The following RASGEF1A variants were observed in gnomAD, a reference collection of about 807,000 sequenced individuals.
RASGEF1A encodes ras-GEF domain-containing family member 1A.
A neutral mutation model predicts 56.4 loss-of-function variants in RASGEF1A; 18 were observed. The observed-to-expected ratio is 0.32, with a 90% CI of 0.22 to 0.47. The LOEUF (loss-of-function observed/expected upper bound fraction) is 0.47, where lower values mean the gene tolerates loss of function less well. Ranked by LOEUF, RASGEF1A falls within the 20% of genes least tolerant of loss-of-function variation. The probability of loss-of-function intolerance (pLI) is 1.00; values close to 1 mark genes in which losing one functional copy is unlikely to be tolerated. For synonymous variants in RASGEF1A, 245 were observed against 242.6 expected (o/e 1.01, Z -0.09); for missense variants, 422 against 627.1 (o/e 0.67, Z 3.49).
intron 1 of RASGEF1A, among the ~76,000 whole-genome samples, chr10:43,242,631 C>T (rs960925222): frequency 1.3e-5 from 2 of 152,148 alleles, no homozygotes; most frequent in Admixed American, 6.5e-5. Context: ...GCCTTGGGCT[C>T]CGGTGATTCT....
chr10:43,208,046 CAATG>C (rs1461539989), intron 1 of RASGEF1A: 21 of 985,252 alleles, frequency 2.1e-5, no homozygotes, highest in Non-Finnish European at 2.3e-5. Flanking sequence ...ACCATTTGTG[CAATG>C]AAGTCACGAA....
Position 43,196,098 on chromosome 10 carries a change from G to A in RASGEF1A, c.*146C>T, listed in dbSNP as rs1242275279. ...CTTTGTAAGTGCCAAAGGTTGATGC[G>A]TGAAATAATTACCATTTTTTTCTCA... On this transcript the variant is annotated 3_prime_UTR_variant, in exon 13 of 13. Transcript: ENST00000395810. The surrounding 1 kb of genome is among the most constrained non-coding windows in gnomAD (Gnocchi z 4.6). 4.8e-5 allele frequency: 36 copies of A among 746,702 alleles called. No individual in the cohort carries two copies. In the South Asian group the frequency reaches 5.0e-4, roughly 10 times the overall value. 46.3% of individuals were successfully genotyped at this position (746,702 alleles called of 1,614,324 possible). A position where few individuals can be genotyped will look rare whatever the true frequency, so the allele number is the denominator to read the frequency against.
At chr10:43,231,189 C>G (rs997701497) in intron 1 of RASGEF1A, among the ~76,000 whole-genome samples, 1 of 152,248 alleles carries the variant, frequency 6.6e-6, no homozygotes, top group Non-Finnish European at 1.5e-5. Flanking sequence ...CCAGAAGATG[C>G]GAAGCTCATG....
intron 1 of RASGEF1A, among the ~76,000 whole-genome samples, chr10:43,248,185 G>A (rs779616374): frequency 2.6e-5 from 4 of 151,440 alleles, no homozygotes; most frequent in African/African-American, 4.9e-5. Context: ...GTGAAACCCC[G>A]TCTCTACTAA....
chr10:43,239,092 G>T (rs954775599), intron 1 of RASGEF1A, among the ~76,000 whole-genome samples: 19 of 152,174 alleles, frequency 1.2e-4, no homozygotes, highest in African/African-American at 4.6e-4. Context: ...GAGCCCCTCA[G>T]CTCCTGGCAA....
intron 1 of RASGEF1A, among the ~76,000 whole-genome samples, chr10:43,219,185 T>C (rs1232054280): frequency 6.6e-6 from 1 of 152,086 alleles, no homozygotes; most frequent in Admixed American, 6.5e-5. Flanking sequence ...CCCCCTCCCC[T>C]TGGCCTCGCT....
intron 1 of RASGEF1A, among the ~76,000 whole-genome samples, chr10:43,213,333 C>T (rs1840093196): frequency 6.6e-6 from 1 of 151,426 alleles, no homozygotes; most frequent in Admixed American, 6.6e-5. Context: ...ATACATGTAC[C>T]CCATAAATAT....
At chr10:43,232,485 C>CT (rs55766600) in intron 1 of RASGEF1A, among the ~76,000 whole-genome samples, 10,018 of 123,512 alleles carry the variant, frequency 0.081, 646 homozygotes, top group African/African-American at 0.14. Flanking sequence ...CAGTCTCCGG[C>CT]TTTTTTTTTT....
rs1564529878 is a variant in RASGEF1A, at chr10:43,203,363, GGTCATGAGGGGGCATAAA to G, written c.238_255del (p.Phe80_Asp85del). The G allele has an allele frequency of 6.3e-7, 1 of 1,588,062 alleles. No individual in the cohort carries two copies. The highest frequency in any genetic ancestry group is 1.3e-5 in the African/African-American group (1 of 74,548). ...CAGATCTGCCCCACGCGGGCCAGCA[GGTCATGAGGGGGCATAAA>G]GACCCGGGAGCTCAGGAGAAAGGTG... On this transcript the variant is annotated inframe_deletion, in exon 3 of 13. Transcript: ENST00000395810.
chr10:43,220,861 T>C (rs560902180), intron 1 of RASGEF1A, among the ~76,000 whole-genome samples: 2 of 151,950 alleles, frequency 1.3e-5, no homozygotes, highest in African/African-American at 2.4e-5. Context: ...TCAGAGTGAT[T>C]AGCATAGGTG....
At chr10:43,264,680 G>A (rs1014264748) in intron 1 of RASGEF1A, among the ~76,000 whole-genome samples, 1 of 151,670 alleles carries the variant, frequency 6.6e-6, no homozygotes, top group African/African-American at 2.4e-5. Flanking sequence ...AGGGGCAGCA[G>A]GGAGGGGTGG....
intron 10 of RASGEF1A, among the ~76,000 whole-genome samples, 157 bp from the exon 11 acceptor site, chr10:43,197,256 G>A (rs1320575674): frequency 6.6e-6 from 1 of 152,196 alleles, no homozygotes; most frequent in Non-Finnish European, 1.5e-5. Context: ...CGTGGCCATG[G>A]TGGCACGCCA....
intron 10 of RASGEF1A, 32 bp downstream of exon 10, chr10:43,197,972 G>T (rs765653203): frequency 3.9e-6 from 6 of 1,557,744 alleles, no homozygotes; most frequent in South Asian, 3.5e-5. Flanking sequence ...GACAGTTTCC[G>T]CCTGGCCTGC....
intron 1 of RASGEF1A, chr10:43,229,581 C>T (rs2133209241): frequency 2.8e-6 from 4 of 1,422,758 alleles, no homozygotes; most frequent in South Asian, 1.3e-5. Context: ...CTCCCGAGCC[C>T]GACAGCGCAA....
intron 1 of RASGEF1A, among the ~76,000 whole-genome samples, chr10:43,258,119 CG>C (rs1178814486): frequency 6.6e-6 from 1 of 152,236 alleles, no homozygotes; most frequent in African/African-American, 2.4e-5. Flanking sequence ...CTCACAGCTT[CG>C]GGGAGGGGTA....
intron 1 of RASGEF1A, among the ~76,000 whole-genome samples, chr10:43,215,451 G>C (rs1840123810): frequency 6.6e-6 from 1 of 152,222 alleles, no homozygotes. Flanking sequence ...TGCTCCTGGA[G>C]GGAGCTGGGG....
intron 6 of RASGEF1A, 62 bp downstream of exon 6, chr10:43,200,120 A>G (rs149358205): frequency 2.2e-6 from 3 of 1,374,414 alleles, no homozygotes; most frequent in Admixed American, 3.9e-5. Context: ...CCCACCCTGC[A>G]TGGAGCGCAA....
At chr10:43,238,779 C>A (rs933836563) in intron 1 of RASGEF1A, among the ~76,000 whole-genome samples, 1 of 152,166 alleles carries the variant, frequency 6.6e-6, no homozygotes, top group South Asian at 2.1e-4. Context: ...CCTGCCCCCT[C>A]TTCCATGGGA....
At chr10:43,216,911 G>C (rs1295305176) in intron 1 of RASGEF1A, among the ~76,000 whole-genome samples, 1 of 152,150 alleles carries the variant, frequency 6.6e-6, no homozygotes, top group Non-Finnish European at 1.5e-5. Flanking sequence ...GGACCGGTCA[G>C]ATAGTGGAGG....
Sources: gnomAD v4.1 joint callset for allele counts (sites outside exome capture counted in the v4.1 genomes callset) on GRCh38, gnomAD v4.1.1 for gene constraint, Gnocchi (gnomAD v3.1) non-coding constraint, MANE v1.5 for transcripts, NCBI Gene and HGNC (gene_info 2026-07-23, HGNC 2026-07-21) for gene names.